The following POLRMT variants were observed in gnomAD, a reference collection of about 807,000 sequenced individuals.
POLRMT encodes the protein DNA-directed RNA polymerase, mitochondrial.
A neutral mutation model predicts 132.2 loss-of-function variants in POLRMT; 114 were observed. The ratio of observed to expected loss-of-function variants is 0.86; its 90% CI spans 0.74 to 1.01. The LOEUF (loss-of-function observed/expected upper bound fraction) is 1.01, where lower values mean the gene tolerates loss of function less well. POLRMT is among the 50% of genes least tolerant of loss of function. The pLI, the probability that POLRMT is intolerant of heterozygous loss-of-function variation, is 0.00. For synonymous variants in POLRMT, 1,020 were observed against 773.4 expected, an observed-to-expected ratio of 1.32 and a Z score of -5.29; for missense variants, 2,003 against 1,729.1, an observed-to-expected ratio of 1.16 and a Z score of -2.81.
intron 3 of POLRMT, chr19:625,494 G>T (rs1464968662): frequency 4.1e-6 from 2 of 485,534 alleles, no homozygotes; most frequent in Non-Finnish European, 3.6e-6. Context: ...TCCTCTGGGA[G>T]GCAGCTTGTT....
At chr19:620,902 GAGGGGAGGAGGAAGACGGGCA>G (rs1984493593) in intron 10 of POLRMT, among the ~76,000 whole-genome samples, 135 bp downstream of exon 10, 1 of 49,392 alleles carries the variant, frequency 2.0e-5, no homozygotes, top group Non-Finnish European at 3.9e-5. Context: ...AGGGGAGGGG[GAGGGGAGGAGGAAGACGGGCA>G]GGGGGCGCCA....
At chr19:622,450 G>A (rs934064554) in intron 8 of POLRMT, 77 bp from the exon 9 acceptor site, 36 of 1,462,792 alleles carry the variant, frequency 2.5e-5, no homozygotes, top group Non-Finnish European at 3.0e-5. Flanking sequence ...CCTGACGCCC[G>A]GTGGGGCATC....
chr19:620,102 G>C, intron 11 of POLRMT, 22 bp from the exon 12 acceptor site: 1 of 1,535,480 alleles, frequency 6.5e-7, no homozygotes, highest in Non-Finnish European at 8.7e-7. Flanking sequence ...GCGGCAAACG[G>C]GAGATGGAAG....
intron 11 of POLRMT, 89 bp from the exon 12 acceptor site, chr19:620,169 A>AG: frequency 6.6e-7 from 1 of 1,505,172 alleles, no homozygotes; most frequent in Non-Finnish European, 8.9e-7. Flanking sequence ...AGCCGTTCCT[A>AG]GGGCCGTGCA....
At chr19:630,750 T>C (rs1445858441) in intron 2 of POLRMT, among the ~76,000 whole-genome samples, 4 of 152,150 alleles carry the variant, frequency 2.6e-5, no homozygotes, top group African/African-American at 9.7e-5. Flanking sequence ...CGGTGGACGC[T>C]GAGCCACTAG....
intron 3 of POLRMT, among the ~76,000 whole-genome samples, chr19:626,630 CAA>C (rs59425267): frequency 0.43 from 31,835 of 73,682 alleles, 5,656 homozygotes; most frequent in East Asian, 0.6. Context: ...ACTAAAAATA[CAA>C]AAAAAAAAAA....
chr19:633,437 G>A lies in POLRMT; in HGVS notation c.76C>T (p.Pro26Ser). ...ALRPCGRPGL[P>S]GKEGTAGGVC... ...CCCTTTGTGTTACCTTCTTTGCCGG[G>A]GAGTCCCGGGCGGCCGCAAGGCCGT... The change falls in exon 1 of 21, where the codon CCC (proline) becomes TCC (serine). Residue 26 changes from proline to serine, a missense_variant. Physicochemically the swap from Pro to Ser is moderately conservative, Grantham distance 74. Transcript: ENST00000588649. 1.3e-6 allele frequency: 2 copies of A among 1,553,274 alleles called. No individual in the cohort carries two copies. Among genetic ancestry groups the A allele is most frequent in the East Asian group, 2.5e-5 (1 of 40,038 alleles).
chr19:617,913 C>A, intron 17 of POLRMT, 64 bp from the exon 18 acceptor site: 6 of 1,480,234 alleles, frequency 4.1e-6, no homozygotes, highest in Non-Finnish European at 5.6e-6. Context: ...TGACCAGCAT[C>A]CTGGCCCTGC....
Position 617,981 on chromosome 19 carries a change from A to T in POLRMT, c.3423-132T>A, listed in dbSNP as rs55791972. The T allele has an allele frequency of 2.6e-3, 1,654 of 628,892 alleles. 4 individuals carry two copies. Among genetic ancestry groups the T allele is most frequent in the Non-Finnish European group, 3.7e-3 (1,391 of 380,088 alleles). 39.0% of individuals were successfully genotyped at this position (628,892 alleles called of 1,614,324 possible). On this transcript the variant is annotated intron_variant, in intron 17 of 20. Transcript: ENST00000588649. ...CCCACCCTCCTGCAGGCCTCGCCCCACCCCTCGCCCCGCCCCTCCCCAAAC... is the reference window on the plus strand; with the variant it reads ...CCCACCCTCCTGCAGGCCTCGCCCCTCCCCTCGCCCCGCCCCTCCCCAAAC...
At position 617,259 on chromosome 19, in the gene POLRMT, A is replaced by G. The variant is rs753535260; in HGVS notation, c.*15T>C. 6.2e-7 allele frequency: 1 copy of G among 1,612,462 alleles called. No individual in the cohort carries two copies. Among genetic ancestry groups the G allele is most frequent in the Non-Finnish European group, 8.5e-7 (1 of 1,179,718 alleles). On this transcript the variant is annotated 3_prime_UTR_variant, in exon 21 of 21. Coordinates refer to ENST00000588649, the MANE Select transcript of POLRMT (RefSeq NM_005035.4). ...AAAAGAGCTTTATTTACACACTGAC[A>G]AGGCTCACGGGGTGTCAGCTGAAGA...
Position 622,353 on chromosome 19 carries a change from C to T in POLRMT, c.1647G>A (p.Pro549=), listed in dbSNP as rs1447202146. The T allele has an allele frequency of 1.9e-6, 3 of 1,553,900 alleles. No individual in the cohort carries two copies. Among genetic ancestry groups the T allele is most frequent in the Non-Finnish European group, 2.6e-6 (3 of 1,150,922 alleles). ...CCCCCAGCTCCTCCCAGTACTGCCGCGGCAGGCAGGGCTCGGGCACCTGTA... is the reference window on the plus strand; with the variant it reads ...CCCCCAGCTCCTCCCAGTACTGCCGTGGCAGGCAGGGCTCGGGCACCTGTA... ...SDAEVPEPCL[P]RQYWEELGAP... The change falls in exon 9 of 21, where the codon CCG becomes CCA. Residue 549 remains proline (P), a synonymous_variant. Transcript: ENST00000588649.
In POLRMT at chr19:621,719, G is replaced by C. The variant is rs762242839; in HGVS notation, c.1979C>G (p.Ser660Cys). 2 of 1,596,044 alleles carry C rather than the reference G, an allele frequency of 1.3e-6. No homozygotes were observed. The highest frequency in any genetic ancestry group is 1.1e-5 in the South Asian group (1 of 90,488). Reference sequence around the variant, plus strand: ...GGTGGGGCTGAGCAGGAAAGCACCAGAGTGCGGCGATGTCCAGGGCAGCGG... The same window carrying C: ...GGTGGGGCTGAGCAGGAAAGCACCACAGTGCGGCGATGTCCAGGGCAGCGG... Reference protein sequence around the residue: ...CPPLPWTSPHSGAFLLSPTKL... With the variant: ...CPPLPWTSPHCGAFLLSPTKL... Residue 660 changes from serine (S) to cysteine (C), a missense_variant, in exon 10 of 21, where the codon TCT becomes TGT. Physicochemically the swap from Ser to Cys is moderately radical, Grantham distance 112. Transcript: ENST00000588649.
Position 619,263 on chromosome 19 carries a change from G to T in POLRMT, c.3100C>A (p.Arg1034Ser). Reference sequence around the variant, plus strand: ...TCCTGTAGACTCTTGAAGACCTGGCGTACGAGATAGTGAGAGGCCTCCCAC... The same window carrying T: ...TCCTGTAGACTCTTGAAGACCTGGCTTACGAGATAGTGAGAGGCCTCCCAC... The part of the protein sequence containing the change: ...FVWEASHYLV[R>S]QVFKSLQEMF... Residue 1034 changes from arginine to serine, a missense_variant, in exon 14 of 21, where the codon CGC becomes AGC. Transcript: ENST00000588649. 1.2e-6 allele frequency: 2 copies of T among 1,606,406 alleles called. No homozygotes were observed. Among genetic ancestry groups the T allele is most frequent in the Non-Finnish European group, 1.7e-6 (2 of 1,178,710 alleles).
Position 622,151 on chromosome 19 carries a change from G to C in POLRMT, c.1849C>G (p.Gln617Glu). 1.3e-6 allele frequency: 2 copies of C among 1,552,210 alleles called. No homozygotes were observed. The highest frequency in any genetic ancestry group is 3.7e-5 in the Admixed American group (2 of 53,752). The change falls in exon 9 of 21, where the codon CAG (glutamine) becomes GAG (glutamate). Residue 617 changes from glutamine to glutamate, a missense_variant and splice_region_variant. By Grantham distance (29) the Gln-to-Glu change is conservative. Coordinates refer to ENST00000588649, the MANE Select transcript of POLRMT (RefSeq NM_005035.4). ...CTCAGGAGGGCACTGCCTGGCACCTGCTGGACGTTGCGGAAGGAATACACG... is the reference window on the plus strand; with the variant it reads ...CTCAGGAGGGCACTGCCTGGCACCTCCTGGACGTTGCGGAAGGAATACACG... ...YHVYSFRNVQ[Q>E]IGILKPHPAY...
Position 629,778 on chromosome 19 carries a change from A to G in POLRMT, c.584T>C (p.Leu195Pro). The change falls in exon 3 of 21, where the codon CTG (leucine) becomes CCG (proline). Residue 195 changes from leucine (L) to proline (P), a missense_variant. Physicochemically the swap from Leu to Pro is moderately conservative, Grantham distance 98 (BLOSUM62 -3). Transcript: ENST00000588649. ...SPWEEQLARL[L>P]QEAPGKLSLD... Reference sequence around the variant, plus strand: ...GCTCAGCTTCCCAGGGGCCTCCTGCAGCAGCCGGGCCAGCTGCTCCTCCCA... The same window carrying G: ...GCTCAGCTTCCCAGGGGCCTCCTGCGGCAGCCGGGCCAGCTGCTCCTCCCA... 1 of 1,568,842 alleles carries G rather than the reference A, an allele frequency of 6.4e-7. No individual in the cohort carries two copies. The highest frequency in any genetic ancestry group is 8.6e-7 in the Non-Finnish European group (1 of 1,158,472).
At chr19:632,736 C>G (rs1240453359) in intron 2 of POLRMT, 98 bp downstream of exon 2, 2 of 1,063,142 alleles carry the variant, frequency 1.9e-6, no homozygotes, top group Non-Finnish European at 2.6e-6. Flanking sequence ...GAGGTGGAGA[C>G]CGCCCTCAGC....
chr19:617,387 AGCCACCCTTGCGAG>A lies in POLRMT; in HGVS notation c.3643+18_3643+31del. On this transcript the variant is annotated intron_variant, in intron 20 of 20. Coordinates refer to ENST00000588649, the MANE Select transcript of POLRMT (RefSeq NM_005035.4). ...AAGCCCCGCCCTGGCCCGCAGTTCG[AGCCACCCTTGCGAG>A]GCTGCCCACCCGCCTACCTGGCTTG... 1 of 1,612,278 alleles carries A rather than the reference AGCCACCCTTGCGAG, an allele frequency of 6.2e-7. No individual in the cohort carries two copies. Among genetic ancestry groups the A allele is most frequent in the Non-Finnish European group, 8.5e-7 (1 of 1,179,744 alleles).
rs780312057 is a variant in POLRMT, at chr19:618,670, C to T, written c.3323+35G>A. ...TCTCCACCGTGGCTGCTCTCCAGAC[C>T]CCCGGCCAGGCCCCAGCCCGGGCCC... On this transcript the variant is annotated intron_variant, in intron 16 of 20. Coordinates refer to ENST00000588649, the MANE Select transcript of POLRMT (RefSeq NM_005035.4). 1.1e-5 allele frequency: 18 copies of T among 1,604,548 alleles called. No homozygotes were observed. In the African/African-American group the frequency reaches 2.3e-4, roughly 20 times the overall value.
chr19:619,947 G>T lies in POLRMT; in HGVS notation c.2886+11C>A. Reference sequence around the variant, plus strand: ...CGCCGAGATGCCCCCGGGCAGCAGGGCACACCCTACCTGCGCGGCCACGCC... The same window carrying T: ...CGCCGAGATGCCCCCGGGCAGCAGGTCACACCCTACCTGCGCGGCCACGCC... On this transcript the variant is annotated intron_variant, in intron 12 of 20. Transcript: ENST00000588649. 6.2e-7 allele frequency: 1 copy of T among 1,601,654 alleles called. No homozygotes were observed. Among genetic ancestry groups the T allele is most frequent in the Non-Finnish European group, 8.5e-7 (1 of 1,178,148 alleles).
Sources: gnomAD v4.1 joint callset for allele counts (sites outside exome capture counted in the v4.1 genomes callset) on GRCh38, gnomAD v4.1.1 for gene constraint, MANE v1.5 for transcripts, NCBI Gene and HGNC (gene_info 2026-07-23, HGNC 2026-07-21) for gene names.